The following IGF2BP3 variants were observed in gnomAD, a reference collection of about 807,000 sequenced individuals.
IGF2BP3 encodes insulin like growth factor 2 mRNA binding protein 3, also known as insulin-like growth factor 2 mRNA-binding protein 3.
Under a neutral mutation model 73.8 loss-of-function variants are expected in IGF2BP3, and 9 were observed. That is an observed-to-expected ratio of 0.12 (90% CI 0.07 to 0.21). The LOEUF (loss-of-function observed/expected upper bound fraction) is 0.21. Among genes scored for constraint, IGF2BP3 ranks in the 10% least tolerant of loss-of-function variants. IGF2BP3 has a pLI of 1.00. For missense variants in IGF2BP3, 542 were observed against 714.0 expected (o/e 0.76, Z 2.75); for synonymous variants, 258 against 256.7 (o/e 1.01, Z -0.05).
intron 3 of IGF2BP3, among the ~76,000 whole-genome samples, chr7:23,387,424 G>A (rs567424094): frequency 6.8e-4 from 103 of 152,288 alleles, no homozygotes; most frequent in African/African-American, 2.4e-3. Flanking sequence ...AACAGATAAA[G>A]GATATTAGGT....
At chr7:23,402,104 AAG>A (rs1370816860) in intron 3 of IGF2BP3, 1 of 152,254 alleles carries the variant, frequency 6.6e-6, no homozygotes, top group East Asian at 1.9e-4. Context: ...GTGAAAGAAC[AAG>A]ACTCTGTCTC....
chr7:23,440,081 G>T (rs1248197573), intron 2 of IGF2BP3, among the ~76,000 whole-genome samples: 1 of 152,098 alleles, frequency 6.6e-6, no homozygotes, highest in Non-Finnish European at 1.5e-5. Context: ...GGCTAATACG[G>T]TGAAACCCCG....
intron 2 of IGF2BP3, among the ~76,000 whole-genome samples, chr7:23,434,145 A>G (rs1787753906): frequency 1.3e-5 from 2 of 152,130 alleles, no homozygotes; most frequent in African/African-American, 2.4e-5. Context: ...TTTCCACATA[A>G]AAGTAACCAT....
chr7:23,433,759 A>C (rs576031153), intron 2 of IGF2BP3, among the ~76,000 whole-genome samples: 1 of 152,316 alleles, frequency 6.6e-6, no homozygotes, highest in South Asian at 2.1e-4. Flanking sequence ...TTGTTTGTCA[A>C]GGGAATTTGA....
intron 3 of IGF2BP3, among the ~76,000 whole-genome samples, chr7:23,384,988 A>G (rs1786037310): frequency 6.6e-6 from 1 of 152,234 alleles, no homozygotes; most frequent in Admixed American, 6.5e-5. Context: ...TGGGATTATC[A>G]GGACCATAAC....
intron 3 of IGF2BP3, among the ~76,000 whole-genome samples, chr7:23,379,241 C>A (rs1457748121): frequency 6.6e-6 from 1 of 152,184 alleles, no homozygotes; most frequent in Admixed American, 6.5e-5. Context: ...ACCAAGGTTT[C>A]CCCACACCCA....
intron 3 of IGF2BP3, among the ~76,000 whole-genome samples, chr7:23,382,591 A>G (rs901178395): frequency 1.3e-5 from 2 of 152,160 alleles, no homozygotes; most frequent in African/African-American, 4.8e-5. Context: ...TCAGTGCCTC[A>G]TCTGCCATCT....
intron 10 of IGF2BP3, among the ~76,000 whole-genome samples, chr7:23,332,474 C>T (rs1784467759): frequency 6.6e-6 from 1 of 152,218 alleles, no homozygotes; most frequent in African/African-American, 2.4e-5. Flanking sequence ...TCTGGCTATT[C>T]AGCATTTTTA....
At chr7:23,368,790 G>A (rs1273184177) in intron 3 of IGF2BP3, among the ~76,000 whole-genome samples, 3 of 151,838 alleles carry the variant, frequency 2.0e-5, no homozygotes, top group African/African-American at 4.8e-5. Flanking sequence ...CCAGCTACTC[G>A]GGACGCTGAG....
chr7:23,464,356 T>C (rs1243077458), intron 2 of IGF2BP3, among the ~76,000 whole-genome samples: 1 of 152,254 alleles, frequency 6.6e-6, no homozygotes, highest in Non-Finnish European at 1.5e-5. Flanking sequence ...CCCCCACTTT[T>C]ACTGTGGTAA....
At chr7:23,443,638 A>G (rs1158547239) in intron 2 of IGF2BP3, among the ~76,000 whole-genome samples, 2 of 151,238 alleles carry the variant, frequency 1.3e-5, no homozygotes, top group African/African-American at 4.9e-5. Flanking sequence ...ACCACTGCAC[A>G]TTCCAGCCTG....
chr7:23,325,556 G>T (rs887525980), intron 10 of IGF2BP3, among the ~76,000 whole-genome samples: 3 of 152,146 alleles, frequency 2.0e-5, no homozygotes, highest in South Asian at 2.1e-4. Flanking sequence ...TTTCTTCACA[G>T]AACTGGAAAA....
chr7:23,352,832 T>C (rs1195626586), intron 5 of IGF2BP3, among the ~76,000 whole-genome samples: 1 of 152,240 alleles, frequency 6.6e-6, no homozygotes, highest in East Asian at 1.9e-4. Flanking sequence ...TATATGAGTA[T>C]ACATGATATG....
At chr7:23,395,608 C>G (rs912036378) in intron 3 of IGF2BP3, among the ~76,000 whole-genome samples, 1 of 150,796 alleles carries the variant, frequency 6.6e-6, no homozygotes, top group Non-Finnish European at 1.5e-5. Flanking sequence ...CCCCCACCCC[C>G]CCAAAAAAAG....
intron 1 of IGF2BP3, among the ~76,000 whole-genome samples, chr7:23,468,984 G>C (rs1364617354): frequency 6.6e-6 from 1 of 152,246 alleles, no homozygotes; most frequent in Non-Finnish European, 1.5e-5. Flanking sequence ...CTCAGCGGTG[G>C]GCTTGAGGAA....
chr7:23,469,848 G>T lies in IGF2BP3; in HGVS notation c.175+88C>A. 1.1e-6 allele frequency: 1 copy of T among 925,956 alleles called. No individual in the cohort carries two copies. Among genetic ancestry groups the T allele is most frequent in the Non-Finnish European group, 1.4e-6 (1 of 705,632 alleles). 57.4% of individuals were successfully genotyped at this position (925,956 alleles called of 1,614,324 possible). A position where few individuals can be genotyped will look rare whatever the true frequency, so the allele number is the denominator to read the frequency against. On this transcript the variant is annotated intron_variant, in intron 1 of 14. Transcript: ENST00000258729. The surrounding 1 kb of genome is among the most constrained non-coding windows in gnomAD (Gnocchi z 6.1). ...CACCCCCGCTCCCCCAGCGCGCCGG[G>T]CCTGGGGCCCGCGGAGCCACCCGGT...
chr7:23,349,225 A>G (rs536180558), intron 6 of IGF2BP3, among the ~76,000 whole-genome samples: 1 of 152,324 alleles, frequency 6.6e-6, no homozygotes, highest in Non-Finnish European at 1.5e-5. Flanking sequence ...CCATTCAAAC[A>G]CTTAAAGGGC....
Position 23,312,466 on chromosome 7 carries a change from A to G in IGF2BP3, c.1642-6T>C, listed in dbSNP as rs1312077536. ...TGAATTTTTCTCTGGGCAACCTAGA[A>G]AAGGACAGAGCTTTGAAATTCCACT... On this transcript the variant is annotated splice_region_variant and splice_polypyrimidine_tract_variant and intron_variant, in intron 14 of 14. Coordinates refer to ENST00000258729, the MANE Select transcript of IGF2BP3 (RefSeq NM_006547.3). The G allele has an allele frequency of 1.3e-6, 2 of 1,598,612 alleles. No homozygotes were observed. Among genetic ancestry groups the G allele is most frequent in the East Asian group, 4.5e-5 (2 of 44,816 alleles).
At chr7:23,433,167 T>C (rs1283360541) in intron 2 of IGF2BP3, among the ~76,000 whole-genome samples, 1 of 152,206 alleles carries the variant, frequency 6.6e-6, no homozygotes, top group African/African-American at 2.4e-5. Flanking sequence ...CATGCTTGAG[T>C]AGCACTGAAA....
Sources: allele counts gnomAD v4.1 joint callset (sites outside exome capture counted in the v4.1 genomes callset), GRCh38; gene constraint gnomAD v4.1.1; non-coding constraint Gnocchi (gnomAD v3.1); transcripts MANE v1.5; gene names NCBI Gene and HGNC (gene_info 2026-07-23, HGNC 2026-07-21).